The following NOS1AP variants were observed in gnomAD, a reference collection of about 807,000 sequenced individuals.
NOS1AP encodes the protein carboxyl-terminal PDZ ligand of neuronal nitric oxide synthase protein.
A neutral mutation model predicts 56.2 loss-of-function variants in NOS1AP; 21 were observed. The observed-to-expected ratio is 0.37, with a 90% CI of 0.26 to 0.54. The LOEUF (loss-of-function observed/expected upper bound fraction) is 0.54, where lower values mean the gene tolerates loss of function less well. Among genes scored for constraint, NOS1AP ranks in the 20% least tolerant of loss-of-function variants. The pLI is 0.84. For synonymous variants in NOS1AP, 270 were observed against 274.6 expected, an observed-to-expected ratio of 0.98 and a Z score of 0.17; for missense variants, 522 against 657.8, an observed-to-expected ratio of 0.79 and a Z score of 2.26.
chr1:162,097,704 T>TCTATTGGTCTGTTGATCTCTC (rs1276025512), intron 1 of NOS1AP, among the ~76,000 whole-genome samples: 17 of 152,220 alleles, frequency 1.1e-4, no homozygotes, highest in Admixed American at 1.1e-3. Flanking sequence ...TTTATTCAGT[T>TCTATTGGTCTGTTGATCTCTC]CTATTGGTCT....
At chr1:162,213,843 A>G (rs946695322) in intron 2 of NOS1AP, among the ~76,000 whole-genome samples, 1 of 152,254 alleles carries the variant, frequency 6.6e-6, no homozygotes, top group Non-Finnish European at 1.5e-5. Flanking sequence ...GCCTGTTGCA[A>G]TGAAGCTTGG....
intron 2 of NOS1AP, among the ~76,000 whole-genome samples, chr1:162,246,749 A>G (rs1200473475): frequency 2.0e-5 from 3 of 152,126 alleles, no homozygotes; most frequent in Non-Finnish European, 2.9e-5. Context: ...AGATAACAGT[A>G]TATGATATGT....
chr1:162,284,819 A>C (rs1472921511), intron 2 of NOS1AP, among the ~76,000 whole-genome samples: 1 of 152,238 alleles, frequency 6.6e-6, no homozygotes, highest in Non-Finnish European at 1.5e-5. Flanking sequence ...TGCTCGGGTA[A>C]GAAATCATGA....
intron 1 of NOS1AP, among the ~76,000 whole-genome samples, chr1:162,125,539 C>G (rs1648452882): frequency 1.3e-5 from 2 of 151,922 alleles, no homozygotes; most frequent in Admixed American, 1.3e-4. Flanking sequence ...GTGTCCTTTC[C>G]CCGAGGTATG....
At chr1:162,208,655 C>T (rs1005580790) in intron 2 of NOS1AP, among the ~76,000 whole-genome samples, 1 of 152,210 alleles carries the variant, frequency 6.6e-6, no homozygotes, top group Non-Finnish European at 1.5e-5. Context: ...TGACCCCAGA[C>T]ATTGCCAAAT....
intron 2 of NOS1AP, among the ~76,000 whole-genome samples, chr1:162,196,759 A>G (rs1264119632): frequency 6.6e-6 from 1 of 152,236 alleles, no homozygotes; most frequent in East Asian, 1.9e-4. Flanking sequence ...AAATATTTAA[A>G]TAATCATAAA....
rs555537641 is a variant in NOS1AP at position 162,261,384 on chromosome 1, C to G, written c.178-25960C>G. On this transcript the variant is annotated intron_variant, in intron 2 of 9. Transcript: ENST00000361897. ...TCTTAATGTGCAAACTTTTAAGAAT[C>G]TTGAGATGGGAGATTACCCTGCATT... Among the ~76,000 whole-genome samples the G allele has an allele frequency of 1.5e-3, 195 of 131,210 alleles. 18 individuals carry two copies. The highest frequency in any genetic ancestry group is 5.6e-3 in the African/African-American group (186 of 33,210). 86.1% of individuals were successfully genotyped at this position (131,210 alleles called of 152,430 possible).
intron 2 of NOS1AP, among the ~76,000 whole-genome samples, chr1:162,217,619 C>T (rs969973482): frequency 6.6e-6 from 1 of 152,056 alleles, no homozygotes; most frequent in Admixed American, 6.5e-5. Flanking sequence ...ATAGTTGTCC[C>T]AATTATCATG....
At chr1:162,103,860 A>C (rs1647400135) in intron 1 of NOS1AP, among the ~76,000 whole-genome samples, 1 of 152,088 alleles carries the variant, frequency 6.6e-6, no homozygotes, top group African/African-American at 2.4e-5. Flanking sequence ...CTCTTCATGC[A>C]GCTTGCCATT....
chr1:162,197,844 AACTCTCTTGGCCCTGCCGC>A (rs1465086573), intron 2 of NOS1AP, among the ~76,000 whole-genome samples: 1 of 152,216 alleles, frequency 6.6e-6, no homozygotes, highest in Non-Finnish European at 1.5e-5. Context: ...GAGAGTGTCC[AACTCTCTTGGCCCTGCCGC>A]ACTATCCTCA....
chr1:162,351,217 G>A (rs570729439), intron 6 of NOS1AP, among the ~76,000 whole-genome samples: 37 of 152,224 alleles, frequency 2.4e-4, no homozygotes, highest in Non-Finnish European at 5.1e-4. Context: ...TGCAGTGCCT[G>A]AAGCATACTA....
intron 3 of NOS1AP, among the ~76,000 whole-genome samples, chr1:162,294,222 A>AGGAGGGAAGGAAGGAG (rs1553202663): frequency 6.8e-6 from 1 of 147,620 alleles, no homozygotes; most frequent in Non-Finnish European, 1.5e-5. Context: ...GAAGGAAGGA[A>AGGAGGGAAGGAAGGAG]GGAAGAAAGA....
At chr1:162,319,111 C>A (rs1411723855) in intron 4 of NOS1AP, among the ~76,000 whole-genome samples, 2 of 152,166 alleles carry the variant, frequency 1.3e-5, no homozygotes, top group Non-Finnish European at 1.5e-5. Flanking sequence ...GCCCTGAGCC[C>A]AGGTGCCCTG....
At chr1:162,072,066 A>ATAGATAGG (rs1291639765) in intron 1 of NOS1AP, among the ~76,000 whole-genome samples, 53 of 142,492 alleles carry the variant, frequency 3.7e-4, no homozygotes, top group African/African-American at 1.2e-3. Flanking sequence ...TCTCAGATAG[A>ATAGATAGG]TAGATAGATA....
intron 2 of NOS1AP, among the ~76,000 whole-genome samples, chr1:162,178,267 T>G: frequency 6.6e-6 from 1 of 152,234 alleles, no homozygotes; most frequent in Non-Finnish European, 1.5e-5. Context: ...ACATTTTGGC[T>G]GCTTCCAAGG....
intron 2 of NOS1AP, among the ~76,000 whole-genome samples, chr1:162,183,206 G>T (rs1284471761): frequency 1.3e-5 from 2 of 152,190 alleles, no homozygotes; most frequent in Non-Finnish European, 2.9e-5. Context: ...GTAACCAGGT[G>T]CATTGTTAAT....
chr1:162,092,868 G>C (rs1692165004), intron 1 of NOS1AP, among the ~76,000 whole-genome samples: 2 of 152,152 alleles, frequency 1.3e-5, no homozygotes, highest in Non-Finnish European at 2.9e-5. Context: ...TACCATAAAT[G>C]AGGGGATACG....
At chr1:162,193,581 C>G (rs1651710652) in intron 2 of NOS1AP, among the ~76,000 whole-genome samples, 2 of 152,144 alleles carry the variant, frequency 1.3e-5, no homozygotes, top group East Asian at 1.9e-4. Flanking sequence ...TGACCATTTA[C>G]TGAATGTTTG....
At chr1:162,135,082 G>C (rs1648935484) in intron 1 of NOS1AP, among the ~76,000 whole-genome samples, 1 of 152,184 alleles carries the variant, frequency 6.6e-6, no homozygotes, top group South Asian at 2.1e-4. Context: ...CTTCTGACTT[G>C]TATCCAAGCA....
Sources: allele counts gnomAD v4.1 joint callset (sites outside exome capture counted in the v4.1 genomes callset), GRCh38; gene constraint gnomAD v4.1.1; transcripts MANE v1.5; gene names NCBI Gene and HGNC (gene_info 2026-07-23, HGNC 2026-07-21).